Variants in CFAP299 observed in about 807,000 individuals in gnomAD.
CFAP299 encodes cilia and flagella associated protein 299, also known as cilia- and flagella-associated protein 299.
In CFAP299, 21 loss-of-function variants were observed where a neutral mutation model predicts 27.0. The observed-to-expected ratio is 0.78, with a 90% confidence interval of 0.55 to 1.12. The LOEUF (loss-of-function observed/expected upper bound fraction) is 1.12, where lower values mean the gene tolerates loss of function less well. CFAP299 is among the 50% of genes most tolerant of loss of function. The pLI, the probability that CFAP299 is intolerant of heterozygous loss-of-function variation, is 0.00. For missense variants in CFAP299, 310 were observed against 276.6 expected (o/e 1.12, Z -0.86); for synonymous variants, 104 against 98.1 (o/e 1.06, Z -0.36).
chr4:80,641,927 T>G (rs770352496), intron 3 of CFAP299, among the ~76,000 whole-genome samples: 1 of 152,182 alleles, frequency 6.6e-6, no homozygotes, highest in Admixed American at 6.5e-5. Context: ...TGGGTAAAGA[T>G]AAATCTGTAA....
At chr4:80,652,461 A>C (rs947488006) in intron 3 of CFAP299, among the ~76,000 whole-genome samples, 2 of 152,100 alleles carry the variant, frequency 1.3e-5, no homozygotes, top group Non-Finnish European at 2.9e-5. Context: ...GGGGGCAACA[A>C]CTGGACTGGG....
At chr4:80,833,516 G>A (rs1006295123) in intron 3 of CFAP299, among the ~76,000 whole-genome samples, 3 of 151,994 alleles carry the variant, frequency 2.0e-5, no homozygotes, top group Admixed American at 6.6e-5. Context: ...GGAAGAAGAG[G>A]AGGCAAAACA....
chr4:80,723,841 T>G (rs1417478423), intron 3 of CFAP299, among the ~76,000 whole-genome samples: 1 of 152,036 alleles, frequency 6.6e-6, no homozygotes, highest in African/African-American at 2.4e-5. Flanking sequence ...TAAAGATTAA[T>G]GAGGTAGACA....
intron 3 of CFAP299, among the ~76,000 whole-genome samples, chr4:80,606,451 C>T (rs1194961273): frequency 6.6e-6 from 1 of 152,130 alleles, no homozygotes; most frequent in Admixed American, 6.5e-5. Context: ...AGGAGAATCG[C>T]TTGAACCTGG....
intron 2 of CFAP299, among the ~76,000 whole-genome samples, chr4:80,413,230 C>T (rs866257480): frequency 2.6e-5 from 4 of 151,998 alleles, no homozygotes; most frequent in Non-Finnish European, 5.9e-5. Flanking sequence ...TAGAGCCAGA[C>T]GTTGCTGTCA....
intron 4 of CFAP299, among the ~76,000 whole-genome samples, chr4:80,913,203 CAGTG>C (rs780126415): frequency 2.0e-5 from 3 of 152,054 alleles, no homozygotes; most frequent in Admixed American, 6.6e-5. Flanking sequence ...TAGTATTTGA[CAGTG>C]AGTGAGAGAG....
chr4:80,788,874 A>G (rs898098104), intron 3 of CFAP299, among the ~76,000 whole-genome samples: 13 of 152,038 alleles, frequency 8.6e-5, no homozygotes, highest in Admixed American at 1.3e-4. Context: ...GGGTTAGACA[A>G]TATGTTTTTG....
At chr4:80,703,722 C>A (rs1460619911) in intron 3 of CFAP299, among the ~76,000 whole-genome samples, 1 of 151,598 alleles carries the variant, frequency 6.6e-6, no homozygotes, top group Non-Finnish European at 1.5e-5. Context: ...CCCATTCTTC[C>A]CCTGAAAGTA....
At chr4:80,800,686 T>C (rs1303499930) in intron 3 of CFAP299, among the ~76,000 whole-genome samples, 2 of 116,402 alleles carry the variant, frequency 1.7e-5, no homozygotes, top group Non-Finnish European at 3.3e-5. Flanking sequence ...ATATGATATA[T>C]TATATATATT....
intron 3 of CFAP299, among the ~76,000 whole-genome samples, chr4:80,799,234 ATATT>A (rs1462480244): frequency 1.8e-5 from 2 of 113,604 alleles, no homozygotes; most frequent in African/African-American, 3.6e-5. Context: ...TATTTATATA[ATATT>A]TATATATATT....
In CFAP299 at chr4:80,575,331, T is replaced by A. The variant is rs1241985750; in HGVS notation, c.243-7762T>A. Among the ~76,000 whole-genome samples the A allele has an allele frequency of 6.1e-5, 9 of 146,472 alleles. No individual in the cohort carries two copies. In the East Asian group the frequency reaches 1.4e-3, roughly 23 times the overall value. On this transcript the variant is annotated intron_variant, in intron 2 of 5. Transcript: ENST00000358105. ...TGTCTCCTTTTTCACTTTCATTAAA[T>A]TTTTTTTTTTTTGAGAACAGATCTC...
At chr4:80,465,714 A>G (rs1014591554) in intron 2 of CFAP299, among the ~76,000 whole-genome samples, 13 of 152,342 alleles carry the variant, frequency 8.5e-5, no homozygotes, top group African/African-American at 3.1e-4. Flanking sequence ...ATACAATAAA[A>G]AACTAAACCA....
intron 3 of CFAP299, among the ~76,000 whole-genome samples, chr4:80,800,581 T>G (rs1370588644): frequency 1.2e-5 from 1 of 84,040 alleles, no homozygotes; most frequent in Non-Finnish European, 2.1e-5. Flanking sequence ...AATATAAATA[T>G]ATAATATATA....
intron 5 of CFAP299, among the ~76,000 whole-genome samples, chr4:80,959,195 C>CA (rs1365520468): frequency 1.3e-5 from 2 of 151,800 alleles, no homozygotes; most frequent in African/African-American, 4.8e-5. Flanking sequence ...ATATCTGATT[C>CA]AAAAAATGGA....
chr4:80,937,298 C>CTTTTTTTTTTTTTTTTT (rs1203322592), intron 4 of CFAP299, among the ~76,000 whole-genome samples: 7 of 94,358 alleles, frequency 7.4e-5, no homozygotes, highest in South Asian at 3.8e-4. Context: ...TTTCTTTTTT[C>CTTTTTTTTTTTTTTTTT]TTTTTTTTTC....
intron 3 of CFAP299, among the ~76,000 whole-genome samples, chr4:80,762,725 C>T (rs79130851): frequency 6.6e-6 from 1 of 152,018 alleles, no homozygotes; most frequent in South Asian, 2.1e-4. Flanking sequence ...TTGCTGTCAG[C>T]TCCCTGTGGG....
rs1394242453 is a variant in CFAP299 at position 80,563,816 on chromosome 4, A to G, written c.243-19277A>G. Among the ~76,000 whole-genome samples, 4 of 152,160 alleles carry G rather than the reference A, an allele frequency of 2.6e-5. No homozygotes were observed. In the South Asian group the frequency reaches 8.3e-4, roughly 32 times the overall value. ...AAACCTCTAACCAGGTAACAAAGAA[A>G]AAAAGAAAGACTATCCAAATAAATA... is the stretch of plus-strand genomic sequence containing the variant. On this transcript the variant is annotated intron_variant, in intron 2 of 5. Transcript: ENST00000358105.
intron 1 of CFAP299, among the ~76,000 whole-genome samples, chr4:80,348,059 T>C (rs1722828209): frequency 6.6e-6 from 1 of 152,208 alleles, no homozygotes; most frequent in African/African-American, 2.4e-5. Context: ...GATTCCCTAT[T>C]TAATAAATGG....
At chr4:80,745,468 T>C (rs901426184) in intron 3 of CFAP299, among the ~76,000 whole-genome samples, 3 of 152,114 alleles carry the variant, frequency 2.0e-5, no homozygotes, top group African/African-American at 7.2e-5. Flanking sequence ...ACCAAAAATA[T>C]TGTATTTAGT....
Sources: allele counts gnomAD v4.1 joint callset (sites outside exome capture counted in the v4.1 genomes callset), GRCh38; gene constraint gnomAD v4.1.1; transcripts MANE v1.5; gene names NCBI Gene and HGNC (gene_info 2026-07-23, HGNC 2026-07-21).